The following ACSF2 variants were observed in gnomAD, a reference collection of about 807,000 sequenced individuals.
ACSF2 encodes the protein medium-chain acyl-CoA ligase ACSF2, mitochondrial.
ACSF2 carries 52 observed loss-of-function variants against 79.3 expected under a neutral mutation model. The ratio of observed to expected loss-of-function variants is 0.66; its 90% CI spans 0.53 to 0.83. The LOEUF (loss-of-function observed/expected upper bound fraction) is 0.83. Among genes scored for constraint, ACSF2 ranks in the 40% least tolerant of loss-of-function variants. The probability of loss-of-function intolerance (pLI) is 0.00; values close to 1 mark genes in which losing one functional copy is unlikely to be tolerated. For synonymous variants in ACSF2, 283 were observed against 312.6 expected, an observed-to-expected ratio of 0.91 and a Z score of 1.00; for missense variants, 661 against 803.3, an observed-to-expected ratio of 0.82 and a Z score of 2.14.
intron 1 of ACSF2, among the ~76,000 whole-genome samples, chr17:50,443,932 A>C (rs1332963967): frequency 6.6e-6 from 1 of 152,228 alleles, no homozygotes; most frequent in East Asian, 1.9e-4. Context: ...GCATAAAGCC[A>C]GCAAGAACAT....
chr17:50,464,773 G>C (rs1445944035), intron 10 of ACSF2: 2 of 333,514 alleles, frequency 6.0e-6, no homozygotes, highest in Non-Finnish European at 1.2e-5. Context: ...TTGACTTGGG[G>C]GGGGGGTCTC....
chr17:50,454,227 G>T (rs549431991), intron 1 of ACSF2, among the ~76,000 whole-genome samples: 2 of 146,528 alleles, frequency 1.4e-5, no homozygotes, highest in African/African-American at 2.6e-5. Context: ...ACCCAGGCTG[G>T]TCTCAAACTC....
In ACSF2 at chr17:50,472,445, G is replaced by A. The variant is rs201089396; in HGVS notation, c.1341G>A (p.Met447Ile). The change falls in exon 12 of 16, where the codon ATG (methionine) becomes ATA (isoleucine). Residue 447 changes from methionine (M) to isoleucine (I), a missense_variant. Coordinates refer to ENST00000300441, the MANE Select transcript of ACSF2 (RefSeq NM_025149.6). ...MPHTEARIMN[M>I]EAGTLAKLNT... is the part of the protein sequence containing the mutation. Reference sequence around the variant, plus strand: ...TGTCCCAGGCCCGGATCATGAACATGGAGGCAGGGACGCTGGCAAAGCTGA... The same window carrying A: ...TGTCCCAGGCCCGGATCATGAACATAGAGGCAGGGACGCTGGCAAAGCTGA... 1.9e-6 allele frequency: 3 copies of A among 1,612,452 alleles called. No individual in the cohort carries two copies. Among genetic ancestry groups the A allele is most frequent in the Non-Finnish European group, 2.5e-6 (3 of 1,179,268 alleles).
chr17:50,453,235 G>A (rs957670983), intron 1 of ACSF2, among the ~76,000 whole-genome samples: 2 of 151,996 alleles, frequency 1.3e-5, no homozygotes, highest in African/African-American at 4.8e-5. Flanking sequence ...TTGGGACGGA[G>A]TTTCACTCTG....
At chr17:50,442,410 G>A (rs574664721) in intron 1 of ACSF2, among the ~76,000 whole-genome samples, 2 of 144,288 alleles carry the variant, frequency 1.4e-5, no homozygotes, top group South Asian at 4.4e-4. Flanking sequence ...TGATCCTCCC[G>A]CCTTGGCCTC....
At chr17:50,451,742 G>A (rs1283958412) in intron 1 of ACSF2, among the ~76,000 whole-genome samples, 4 of 152,196 alleles carry the variant, frequency 2.6e-5, no homozygotes, top group Admixed American at 1.3e-4. Flanking sequence ...GAGCCACCGC[G>A]CCCAGCCCTT....
chr17:50,466,158 C>T (rs1377293339), intron 10 of ACSF2, among the ~76,000 whole-genome samples: 1 of 148,484 alleles, frequency 6.7e-6, no homozygotes, highest in Non-Finnish European at 1.5e-5. Context: ...ACGATCTCAG[C>T]TCACTGCAAG....
rs1206173752 is a variant in ACSF2 at position 50,474,047 on chromosome 17, T to C, written c.1728+43T>C. On this transcript the variant is annotated intron_variant, in intron 14 of 15. Coordinates refer to ENST00000300441, the MANE Select transcript of ACSF2 (RefSeq NM_025149.6). The surrounding 1 kb of genome is among the most constrained non-coding windows in gnomAD (Gnocchi z 4.2). ...ACCTAGCTGATGCTGCTCTGTTCTT[T>C]GCTCACCCACTCCTCTGCCAACCAG... 2 of 1,552,016 alleles carry C rather than the reference T, an allele frequency of 1.3e-6. No homozygotes were observed. Among genetic ancestry groups the C allele is most frequent in the Non-Finnish European group, 1.7e-6 (2 of 1,147,678 alleles).
rs758080354 is a variant in ACSF2, at chr17:50,462,582, C to T, written c.789C>T (p.Thr263=). 1.9e-6 allele frequency: 3 copies of T among 1,612,732 alleles called. No individual in the cohort carries two copies. The Admixed American group carries it at 5.0e-5, about 27-fold the overall frequency. The change falls in exon 6 of 16, where the codon ACC becomes ACT. Residue 263 remains threonine (T), a synonymous_variant. Transcript: ENST00000300441. ...SCHDPINIQF[T]SGTTGSPKGA... Reference sequence around the variant, plus strand: ...ATGACCCCATCAACATCCAGTTCACCTCGGTAGGGCAGAGGTCTCCAGGCC... The same window carrying T: ...ATGACCCCATCAACATCCAGTTCACTTCGGTAGGGCAGAGGTCTCCAGGCC...
intron 10 of ACSF2, chr17:50,469,777 A>G (rs1341062220): frequency 6.6e-6 from 1 of 152,368 alleles, no homozygotes; most frequent in African/African-American, 2.4e-5. Flanking sequence ...TACTTGGCAG[A>G]TGCCACATTC....
chr17:50,473,294 A>C, intron 12 of ACSF2: 1 of 203,724 alleles, frequency 4.9e-6, no homozygotes, highest in Non-Finnish European at 1.0e-5. Flanking sequence ...AAAAAACACT[A>C]AGAAAATGAA....
rs761768285 is a variant in ACSF2, at chr17:50,463,582, G to A, written c.1046+30G>A. 5 of 1,609,994 alleles carry A rather than the reference G, an allele frequency of 3.1e-6. 1 individual carries two copies. Among genetic ancestry groups the A allele is most frequent in the Middle Eastern group, 1.7e-4 (1 of 6,014 alleles). Reference sequence around the variant, plus strand: ...GCACTGGTGGACAGGCTACTTGTGGGCTGATAAAACCCTCTTCTTCCTCAC... The same window carrying A: ...GCACTGGTGGACAGGCTACTTGTGGACTGATAAAACCCTCTTCTTCCTCAC... On this transcript the variant is annotated intron_variant, in intron 8 of 15. Coordinates refer to ENST00000300441, the MANE Select transcript of ACSF2 (RefSeq NM_025149.6). This position sits in a 1 kb window ranked among gnomAD's most constrained non-coding sequence, Gnocchi z 4.6.
At position 50,463,430 on chromosome 17, in the gene ACSF2, C is replaced by T. The variant is rs780305324; in HGVS notation, c.924C>T (p.Pro308=). The change falls in exon 8 of 16, where the codon CCC becomes CCT. Residue 308 remains proline, a synonymous_variant. Coordinates refer to ENST00000300441, the MANE Select transcript of ACSF2 (RefSeq NM_025149.6). This position sits in a 1 kb window ranked among gnomAD's most constrained non-coding sequence, Gnocchi z 4.6. ...AGTTGCGGATGATCCTGCCCAACCC[C>T]CTGTACCATTGCCTGGGTTCCGTGG... ...PEQLRMILPN[P]LYHCLGSVAG... is the part of the protein sequence containing the mutation. 6.2e-7 allele frequency: 1 copy of T among 1,614,130 alleles called. No homozygotes were observed.
At chr17:50,449,810 T>C (rs543675217) in intron 1 of ACSF2, among the ~76,000 whole-genome samples, 17 of 152,174 alleles carry the variant, frequency 1.1e-4, no homozygotes, top group Non-Finnish European at 2.2e-4. Context: ...TTAGTGGTAT[T>C]AAGTACAGTA....
chr17:50,433,530 A>C (rs1263477537), intron 1 of ACSF2, among the ~76,000 whole-genome samples: 1 of 152,182 alleles, frequency 6.6e-6, no homozygotes, highest in Non-Finnish European at 1.5e-5. Context: ...TCAAGGGACA[A>C]GTGTCTTGAC....
intron 1 of ACSF2, among the ~76,000 whole-genome samples, chr17:50,456,213 C>T (rs1322977948): frequency 6.6e-6 from 1 of 152,262 alleles, no homozygotes; most frequent in Admixed American, 6.5e-5. Context: ...GGTTGCCTCA[C>T]CCTTGGGAGA....
At chr17:50,440,558 C>G (rs914558714) in intron 1 of ACSF2, among the ~76,000 whole-genome samples, 4 of 152,272 alleles carry the variant, frequency 2.6e-5, no homozygotes, top group Non-Finnish European at 4.4e-5. Context: ...CAGAGCCCAG[C>G]TCTGCCTGTG....
intron 10 of ACSF2, chr17:50,469,047 T>G: frequency 7.7e-7 from 1 of 1,305,388 alleles, no homozygotes. Flanking sequence ...CCCAGCCGGC[T>G]ACCGTGCATG....
At position 50,456,452 on chromosome 17, in the gene ACSF2, G is replaced by A. The variant is rs143544156; in HGVS notation, c.129-4225G>A. Among the ~76,000 whole-genome samples, 1,107 of 152,296 alleles carry A rather than the reference G, an allele frequency of 7.3e-3. 18 individuals are homozygous for A. The highest frequency in any genetic ancestry group is 0.025 in the African/African-American group (1,047 of 41,556). ...CCCTCTGATAAAAAGGTACCTGGTGGCCGGGCGCGGTGGCTCACACCTGTA... is the reference window on the plus strand; with the variant it reads ...CCCTCTGATAAAAAGGTACCTGGTGACCGGGCGCGGTGGCTCACACCTGTA... On this transcript the variant is annotated intron_variant, in intron 1 of 15. Transcript: ENST00000300441.
Sources: allele counts gnomAD v4.1 joint callset (sites outside exome capture counted in the v4.1 genomes callset), GRCh38; gene constraint gnomAD v4.1.1; non-coding constraint Gnocchi (gnomAD v3.1); transcripts MANE v1.5; gene names NCBI Gene and HGNC (gene_info 2026-07-23, HGNC 2026-07-21).